The following GPC5 variants were observed in gnomAD, a reference collection of about 807,000 sequenced individuals.
GPC5 encodes glypican 5, also known as glypican-5.
A neutral mutation model predicts 53.9 loss-of-function variants in GPC5; 47 were observed. The ratio of observed to expected loss-of-function variants is 0.87; its 90% CI spans 0.69 to 1.11. The LOEUF (loss-of-function observed/expected upper bound fraction) is 1.11. Ranked by LOEUF, GPC5 falls within the 50% of genes most tolerant of loss-of-function variation. The pLI, the probability that GPC5 is intolerant of heterozygous loss-of-function variation, is 0.00. For missense variants in GPC5, 748 were observed against 713.1 expected (o/e 1.05, Z -0.56); for synonymous variants, 286 against 263.3 (o/e 1.09, Z -0.84).
chr13:91,677,145 T>A (rs1483637670), intron 2 of GPC5, among the ~76,000 whole-genome samples: 1 of 152,098 alleles, frequency 6.6e-6, no homozygotes, highest in African/African-American at 2.4e-5. Flanking sequence ...GTGAAAAAGA[T>A]GTAGGAAGCA....
At chr13:91,603,456 C>T (rs2033246136) in intron 2 of GPC5, among the ~76,000 whole-genome samples, 1 of 152,194 alleles carries the variant, frequency 6.6e-6, no homozygotes, top group South Asian at 2.1e-4. Flanking sequence ...CGGTTAGTGG[C>T]AGAAGTGGTC....
chr13:92,154,576 A>G (rs927104302), intron 7 of GPC5, among the ~76,000 whole-genome samples: 1 of 152,158 alleles, frequency 6.6e-6, no homozygotes, highest in East Asian at 1.9e-4. Context: ...AGTTTTAAAA[A>G]CATTTGTAAT....
At chr13:91,625,585 G>A (rs55685429) in intron 2 of GPC5, among the ~76,000 whole-genome samples, 32,521 of 151,830 alleles carry the variant, frequency 0.21, 4,019 homozygotes, top group African/African-American at 0.34. Flanking sequence ...ATATCTAAAG[G>A]CTATGGGTAT....
chr13:92,517,311 C>A (rs549005326), intron 7 of GPC5, among the ~76,000 whole-genome samples: 3 of 152,138 alleles, frequency 2.0e-5, no homozygotes, highest in Non-Finnish European at 2.9e-5. Flanking sequence ...ACTTAAATGT[C>A]CCTGTCTGAC....
intron 7 of GPC5, among the ~76,000 whole-genome samples, chr13:92,793,885 ATAAT>A (rs1594511690): frequency 1.3e-5 from 2 of 152,238 alleles, no homozygotes; most frequent in African/African-American, 4.8e-5. Context: ...AATTGAGGCA[ATAAT>A]TAATAGCCTA....
At chr13:92,237,928 T>G (rs2042582150) in intron 7 of GPC5, among the ~76,000 whole-genome samples, 1 of 152,082 alleles carries the variant, frequency 6.6e-6, no homozygotes, top group African/African-American at 2.4e-5. Flanking sequence ...GCATTCTTTA[T>G]GACTTTTTAA....
intron 6 of GPC5, among the ~76,000 whole-genome samples, chr13:92,007,257 C>G (rs933920061): frequency 6.6e-6 from 1 of 152,148 alleles, no homozygotes; most frequent in African/African-American, 2.4e-5. Context: ...TTTGACATTG[C>G]ACTATGCATT....
Position 92,461,413 on chromosome 13 carries a change from G to A in GPC5, c.1561+316424G>A, listed in dbSNP as rs149332520. Among the ~76,000 whole-genome samples, 82 of 152,262 alleles carry A rather than the reference G, an allele frequency of 5.4e-4. 1 individual carries two copies. Among genetic ancestry groups the A allele is most frequent in the African/African-American group, 1.9e-3 (78 of 41,566 alleles). On this transcript the variant is annotated intron_variant, in intron 7 of 7. Transcript: ENST00000377067. ...AAAATACTTAACCTATGTAGTGTGA[G>A]GAAGGGTGGCTAAGTACTGAGAAAA...
intron 1 of GPC5, among the ~76,000 whole-genome samples, chr13:91,422,571 G>A (rs1878713216): frequency 6.6e-6 from 1 of 152,020 alleles, no homozygotes; most frequent in Non-Finnish European, 1.5e-5. Context: ...AGAAGGCAGA[G>A]TTTGCAGTGA....
At chr13:92,362,914 G>C (rs548930714) in intron 7 of GPC5, among the ~76,000 whole-genome samples, 1 of 151,786 alleles carries the variant, frequency 6.6e-6, no homozygotes, top group African/African-American at 2.4e-5. Flanking sequence ...TAGGGGCCTT[G>C]GCTCACTGCC....
At chr13:92,509,014 G>A (rs1039839869) in intron 7 of GPC5, among the ~76,000 whole-genome samples, 40 of 152,260 alleles carry the variant, frequency 2.6e-4, no homozygotes, top group African/African-American at 9.6e-4. Context: ...ACCTGTGCTT[G>A]TGAAGATAAC....
chr13:92,510,242 T>C (rs995646466), intron 7 of GPC5: 37 of 152,208 alleles, frequency 2.4e-4, no homozygotes, highest in Admixed American at 2.2e-3. Flanking sequence ...TCTTTATGTT[T>C]ATTCTTAGAG....
intron 2 of GPC5, among the ~76,000 whole-genome samples, chr13:91,506,163 C>G (rs1884930825): frequency 6.6e-6 from 1 of 152,034 alleles, no homozygotes. Flanking sequence ...TTTTCTGATT[C>G]CCAAGTTCAT....
intron 6 of GPC5, among the ~76,000 whole-genome samples, chr13:92,041,471 T>A (rs2040941108): frequency 1.3e-5 from 2 of 152,184 alleles, no homozygotes; most frequent in Admixed American, 6.5e-5. Flanking sequence ...TGCTTGCATT[T>A]AACTTCTGAC....
Position 91,689,184 on chromosome 13 carries a change from AATATATATATATATATATATATAT to A in GPC5, c.326-3979_326-3956del, listed in dbSNP as rs1169911890. Reference sequence around the variant, plus strand: ...ATGTTGTCTCAAAAAATCATATATAAATATATATATATATATATATATATATATATATATATATATATATATACA... The same window carrying A: ...ATGTTGTCTCAAAAAATCATATATAAATATATATATATATATATATATACA... On this transcript the variant is annotated intron_variant, in intron 2 of 7. Coordinates refer to ENST00000377067, the MANE Select transcript of GPC5 (RefSeq NM_004466.6). 6.7e-4 allele frequency among the ~76,000 whole-genome samples: 33 copies of A among 49,592 alleles called. 2 individuals are homozygous for A. Among genetic ancestry groups the A allele is most frequent in the African/African-American group, 1.5e-3 (22 of 14,952 alleles). The allele number at this position is 49,592 out of a possible 152,430, so 32.5% of individuals were successfully genotyped here.
At chr13:92,111,148 A>C (rs868492809) in intron 6 of GPC5, among the ~76,000 whole-genome samples, 3 of 152,204 alleles carry the variant, frequency 2.0e-5, no homozygotes, top group African/African-American at 7.2e-5. Context: ...TAGAGGCTTC[A>C]TGATATCACA....
chr13:91,822,282 T>G (rs1305900804), intron 5 of GPC5, among the ~76,000 whole-genome samples: 2 of 152,176 alleles, frequency 1.3e-5, no homozygotes, highest in African/African-American at 2.4e-5. Flanking sequence ...AGACAGACAA[T>G]GAAACCTGGA....
intron 7 of GPC5, among the ~76,000 whole-genome samples, chr13:92,356,451 GA>G (rs1461245926): frequency 6.6e-6 from 1 of 152,180 alleles, no homozygotes; most frequent in Non-Finnish European, 1.5e-5. Context: ...AACCAGTTAA[GA>G]AGTTATTTAC....
At chr13:92,429,943 T>G (rs1180578126) in intron 7 of GPC5, among the ~76,000 whole-genome samples, 1 of 152,070 alleles carries the variant, frequency 6.6e-6, no homozygotes, top group Admixed American at 6.6e-5. Context: ...AGGTATTATG[T>G]ACTTGAAAAT....
Sources: gnomAD v4.1 joint callset for allele counts (sites outside exome capture counted in the v4.1 genomes callset) on GRCh38, gnomAD v4.1.1 for gene constraint, MANE v1.5 for transcripts, NCBI Gene and HGNC (gene_info 2026-07-23, HGNC 2026-07-21) for gene names.